The following DSCAM variants were observed in gnomAD, a reference collection of about 807,000 sequenced individuals.
The protein encoded by DSCAM is DS cell adhesion molecule.
DSCAM carries 47 observed loss-of-function variants against 217.7 expected under a neutral mutation model. The ratio of observed to expected loss-of-function variants is 0.22; its 90% CI spans 0.17 to 0.28. DSCAM has a LOEUF of 0.28. DSCAM is among the 10% of genes least tolerant of loss of function. The pLI is 1.00. For synonymous variants in DSCAM, 1,056 were observed against 1,015.3 expected (o/e 1.04, Z -0.76); for missense variants, 2,080 against 2,618.3 (o/e 0.79, Z 4.49).
intron 19 of DSCAM, 129 bp from the exon 20 acceptor site, chr21:40,124,457 G>C (rs1370475261): frequency 8.5e-7 from 1 of 1,181,152 alleles, no homozygotes; most frequent in Non-Finnish European, 1.2e-6. Flanking sequence ...GGGTTCCGCT[G>C]TGTCCCCCCA....
chr21:40,096,206 A>T (rs2089674321), intron 20 of DSCAM, among the ~76,000 whole-genome samples: 1 of 152,144 alleles, frequency 6.6e-6, no homozygotes, highest in Non-Finnish European at 1.5e-5. Flanking sequence ...AGGACCTAGA[A>T]GCCCCCTCCT....
chr21:40,199,548 G>A (rs2091049130), intron 11 of DSCAM, among the ~76,000 whole-genome samples: 1 of 152,096 alleles, frequency 6.6e-6, no homozygotes. Flanking sequence ...GGTATTTCTG[G>A]TTTTAGATCC....
intron 1 of DSCAM, among the ~76,000 whole-genome samples, chr21:40,741,189 T>C (rs1219284663): frequency 6.6e-6 from 1 of 152,192 alleles, no homozygotes. Flanking sequence ...GCTGAAAAGA[T>C]CAAGTCTAGC....
At chr21:40,098,198 C>T (rs189224948) in intron 20 of DSCAM, among the ~76,000 whole-genome samples, 3 of 152,162 alleles carry the variant, frequency 2.0e-5, no homozygotes, top group Non-Finnish European at 2.9e-5. Context: ...GGGGTCAGTT[C>T]ATCAAGAGAA....
At chr21:40,514,518 C>T (rs1197447311) in intron 3 of DSCAM, among the ~76,000 whole-genome samples, 1 of 152,168 alleles carries the variant, frequency 6.6e-6, no homozygotes, top group African/African-American at 2.4e-5. Context: ...TCCTTTTTGA[C>T]ATTGCATAAA....
intron 3 of DSCAM, among the ~76,000 whole-genome samples, chr21:40,580,080 A>ATT (rs530550322): frequency 3.5e-5 from 5 of 142,444 alleles, no homozygotes; most frequent in Non-Finnish European, 6.1e-5. Flanking sequence ...ACCATGTTTA[A>ATT]TTTTTTTTTT....
intron 20 of DSCAM, among the ~76,000 whole-genome samples, chr21:40,112,325 A>G (rs1020321647): frequency 1.3e-5 from 2 of 151,652 alleles, no homozygotes; most frequent in African/African-American, 4.8e-5. Flanking sequence ...TACTGGGTAC[A>G]TAACGAAATG....
intron 4 of DSCAM, among the ~76,000 whole-genome samples, chr21:40,357,907 C>T (rs557214322): frequency 2.0e-5 from 3 of 152,010 alleles, no homozygotes; most frequent in East Asian, 1.9e-4. Context: ...TGATAGCTCT[C>T]GTTCTTCAGT....
chr21:40,568,507 A>ATGCTTAAGG (rs2076782135), intron 3 of DSCAM, among the ~76,000 whole-genome samples: 1 of 152,096 alleles, frequency 6.6e-6, no homozygotes, highest in African/African-American at 2.4e-5. Context: ...ATTCAAGGAG[A>ATGCTTAAGG]TGCTTAAGGT....
chr21:40,276,484 T>C (rs1242030545), intron 10 of DSCAM, among the ~76,000 whole-genome samples: 1 of 152,238 alleles, frequency 6.6e-6, no homozygotes, highest in Non-Finnish European at 1.5e-5. Flanking sequence ...TCTCAGACTC[T>C]GAGATAAAAA....
At chr21:40,214,374 C>G (rs1601448101) in intron 11 of DSCAM, among the ~76,000 whole-genome samples, 1 of 152,046 alleles carries the variant, frequency 6.6e-6, no homozygotes, top group Admixed American at 6.5e-5. Flanking sequence ...TATTTTGGAG[C>G]CTATAAAGAA....
chr21:40,789,065 G>T (rs778664799), intron 1 of DSCAM, among the ~76,000 whole-genome samples: 1 of 152,000 alleles, frequency 6.6e-6, no homozygotes, highest in Non-Finnish European at 1.5e-5. Flanking sequence ...GTATTACTAG[G>T]GGTCTGTGAA....
intron 1 of DSCAM, among the ~76,000 whole-genome samples, chr21:40,738,500 C>T (rs949435890): frequency 5.3e-5 from 8 of 152,276 alleles, no homozygotes; most frequent in East Asian, 3.9e-4. Flanking sequence ...TGAAGGTCAC[C>T]CCAGTAGTGT....
At chr21:40,311,709 T>C (rs192321195) in intron 9 of DSCAM, among the ~76,000 whole-genome samples, 1 of 152,124 alleles carries the variant, frequency 6.6e-6, no homozygotes, top group Admixed American at 6.5e-5. Flanking sequence ...TAAAAAACCA[T>C]TTATTGAAAT....
chr21:40,582,292 A>G (rs1401942684), intron 3 of DSCAM, among the ~76,000 whole-genome samples: 1 of 152,182 alleles, frequency 6.6e-6, no homozygotes, highest in Non-Finnish European at 1.5e-5. Flanking sequence ...TATTTTTAAA[A>G]TGCATCCAAA....
At chr21:40,372,869 G>T (rs2074912395) in intron 3 of DSCAM, among the ~76,000 whole-genome samples, 1 of 152,196 alleles carries the variant, frequency 6.6e-6, no homozygotes, top group Admixed American at 6.5e-5. Flanking sequence ...GAGCTTACAT[G>T]TTAGTGCCAC....
At chr21:40,800,719 T>C (rs902483709) in intron 1 of DSCAM, among the ~76,000 whole-genome samples, 33 of 149,798 alleles carry the variant, frequency 2.2e-4, no homozygotes, top group Non-Finnish European at 2.7e-4. Flanking sequence ...TACTTTCTTT[T>C]TTTTTTTTTT....
At chr21:40,111,230 T>C (rs2089895264) in intron 20 of DSCAM, among the ~76,000 whole-genome samples, 1 of 152,180 alleles carries the variant, frequency 6.6e-6, no homozygotes, top group Admixed American at 6.5e-5. Flanking sequence ...GCAGAAACTC[T>C]ACAAGCCAGA....
intron 3 of DSCAM, among the ~76,000 whole-genome samples, chr21:40,653,302 C>T (rs1191499224): frequency 1.3e-5 from 2 of 152,086 alleles, no homozygotes; most frequent in Non-Finnish European, 2.9e-5. Flanking sequence ...GGTCTTGGAG[C>T]AGTAGAAAAA....
Sources: gnomAD v4.1 joint callset for allele counts (sites outside exome capture counted in the v4.1 genomes callset) on GRCh38, gnomAD v4.1.1 for gene constraint, MANE v1.5 for transcripts, NCBI Gene and HGNC (gene_info 2026-07-23, HGNC 2026-07-21) for gene names.